Variants in NCKAP1 observed in about 807,000 individuals in gnomAD.
NCKAP1 encodes NCK associated protein 1, also known as nck-associated protein 1.
A neutral mutation model predicts 151.2 loss-of-function variants in NCKAP1; 21 were observed. The observed-to-expected ratio is 0.14, with a 90% CI of 0.10 to 0.20. The LOEUF is 0.20. Among genes scored for constraint, NCKAP1 ranks in the 10% least tolerant of loss-of-function variants. NCKAP1 has a pLI of 1.00. For missense variants in NCKAP1, 933 were observed against 1,352.1 expected (o/e 0.69, Z 4.86); for synonymous variants, 484 against 451.8 (o/e 1.07, Z -0.90).
At position 182,936,927 on chromosome 2, in the gene NCKAP1, C is replaced by A. The variant is rs572460132; in HGVS notation, c.2696-1552G>T. 2.5e-4 allele frequency among the ~76,000 whole-genome samples: 38 copies of A among 151,804 alleles called. No homozygotes were observed. The East Asian group carries it at 5.0e-3, about 20-fold the overall frequency. On this transcript the variant is annotated intron_variant, in intron 24 of 30. Coordinates refer to ENST00000361354, the MANE Select transcript of NCKAP1 (RefSeq NM_013436.5). ...GTCAGGAGTTCAAGACCAGCCTGGG[C>A]AACATGGTGAAACCCCAACTCTACT... is the stretch of plus-strand genomic sequence containing the variant.
chr2:182,933,179 G>A (rs1402075645), intron 26 of NCKAP1, among the ~76,000 whole-genome samples: 1 of 152,068 alleles, frequency 6.6e-6, no homozygotes, highest in Non-Finnish European at 1.5e-5. Context: ...TTAAAATACA[G>A]GCAGGATTTC....
At chr2:183,031,762 C>T (rs1040617960) in intron 1 of NCKAP1, among the ~76,000 whole-genome samples, 4 of 152,070 alleles carry the variant, frequency 2.6e-5, no homozygotes, top group Admixed American at 6.6e-5. Flanking sequence ...ATTCCAAAAA[C>T]GTGAGATAAC....
At chr2:183,016,863 T>C (rs890752345) in intron 2 of NCKAP1, among the ~76,000 whole-genome samples, 2 of 152,192 alleles carry the variant, frequency 1.3e-5, no homozygotes, top group African/African-American at 4.8e-5. Context: ...TGGATTAACA[T>C]GGCATTTGTC....
At chr2:182,986,671 G>A (rs1193497077) in intron 9 of NCKAP1, among the ~76,000 whole-genome samples, 1 of 152,036 alleles carries the variant, frequency 6.6e-6, no homozygotes, top group Non-Finnish European at 1.5e-5. Flanking sequence ...CAAAAGTAAT[G>A]ACTGTTTGGA....
chr2:182,942,170 A>G lies in NCKAP1; in HGVS notation c.2602-7T>C. On this transcript the variant is annotated splice_polypyrimidine_tract_variant and splice_region_variant and intron_variant, in intron 23 of 30. Coordinates refer to ENST00000361354, the MANE Select transcript of NCKAP1 (RefSeq NM_013436.5). The stretch of plus-strand genomic sequence containing the variant: ...CATTCTCCACCACAAGTTTCTAAAA[A>G]AAAAAGAAAGATCCTAGGTCAGGCA... 2.5e-6 allele frequency: 4 copies of G among 1,609,392 alleles called. No homozygotes were observed. Among genetic ancestry groups the G allele is most frequent in the South Asian group, 1.1e-5 (1 of 90,222 alleles).
chr2:182,988,032 G>A (rs1463406019), intron 9 of NCKAP1, among the ~76,000 whole-genome samples: 1 of 152,134 alleles, frequency 6.6e-6, no homozygotes, highest in East Asian at 1.9e-4. Context: ...ATACAGCTAA[G>A]ATGTATGTAT....
intron 1 of NCKAP1, among the ~76,000 whole-genome samples, chr2:183,029,126 CA>C (rs540737695): frequency 1.4e-5 from 2 of 145,110 alleles, no homozygotes; most frequent in East Asian, 4.0e-4. Flanking sequence ...TCAAAAGAAA[CA>C]AAAAAAAAAC....
At chr2:183,012,632 T>C (rs1189715438) in intron 2 of NCKAP1, among the ~76,000 whole-genome samples, 1 of 151,626 alleles carries the variant, frequency 6.6e-6, no homozygotes, top group Non-Finnish European at 1.5e-5. Context: ...TTTTTTTTTT[T>C]TTTTTTAGAC....
At chr2:182,966,339 G>A (rs1026480865) in intron 16 of NCKAP1, among the ~76,000 whole-genome samples, 2 of 151,848 alleles carry the variant, frequency 1.3e-5, no homozygotes, top group African/African-American at 2.4e-5. Context: ...AGACTGGAGT[G>A]CAGTGGCGTG....
chr2:183,033,808 C>G (rs910500194), intron 1 of NCKAP1, among the ~76,000 whole-genome samples: 1 of 152,180 alleles, frequency 6.6e-6, no homozygotes, highest in African/African-American at 2.4e-5. Context: ...ACCCTACTTA[C>G]AAACTAACAA....
intron 1 of NCKAP1, among the ~76,000 whole-genome samples, chr2:183,025,556 A>C: frequency 6.6e-6 from 1 of 152,168 alleles, no homozygotes; most frequent in South Asian, 2.1e-4. Flanking sequence ...AATAAAACAA[A>C]ATCTTAAGAA....
chr2:182,928,716 T>C, intron 28 of NCKAP1, 67 bp downstream of exon 28: 3 of 1,105,566 alleles, frequency 2.7e-6, no homozygotes, highest in Non-Finnish European at 3.9e-6. Context: ...ACTTAACTCA[T>C]ATTTTATTAT....
chr2:182,981,143 G>A, intron 13 of NCKAP1, 101 bp downstream of exon 13: 1 of 1,384,694 alleles, frequency 7.2e-7, no homozygotes, highest in Non-Finnish European at 1.0e-6. Context: ...TTTATCACTT[G>A]GCACATGATA....
chr2:182,978,757 G>T, intron 14 of NCKAP1, 77 bp downstream of exon 14: 1 of 805,824 alleles, frequency 1.2e-6, no homozygotes, highest in East Asian at 3.0e-5. Context: ...CAAATTAATT[G>T]GTAAATTATC....
intron 6 of NCKAP1, among the ~76,000 whole-genome samples, chr2:183,000,003 G>A (rs974757197): frequency 1.6e-4 from 24 of 152,250 alleles, no homozygotes; most frequent in Middle Eastern, 3.4e-3. Flanking sequence ...TCCAGAAGTG[G>A]GAAGGAGAGG....
chr2:182,951,735 T>C (rs1370893122), intron 23 of NCKAP1, among the ~76,000 whole-genome samples: 1 of 151,942 alleles, frequency 6.6e-6, no homozygotes, highest in South Asian at 2.1e-4. Context: ...TAAAACATGA[T>C]TTCTCTATTC....
At chr2:183,025,027 A>G (rs747379043) in intron 1 of NCKAP1, 1 of 1,604,196 alleles carries the variant, frequency 6.2e-7, no homozygotes, top group African/African-American at 1.3e-5. Context: ...AAGAGAGAAA[A>G]TTACGTGTAA....
intron 15 of NCKAP1, 114 bp from the exon 16 acceptor site, chr2:182,967,475 C>G (rs763640825): frequency 1.1e-6 from 1 of 911,138 alleles, no homozygotes; most frequent in Non-Finnish European, 1.7e-6. Flanking sequence ...TACTGTGACA[C>G]TGACAGTAAC....
chr2:183,017,987 T>A (rs990263454), intron 2 of NCKAP1, among the ~76,000 whole-genome samples: 2 of 152,146 alleles, frequency 1.3e-5, no homozygotes, highest in Non-Finnish European at 2.9e-5. Context: ...CGGTGGCTCA[T>A]GCCTGTAATC....
Sources: gnomAD v4.1 joint callset for allele counts (sites outside exome capture counted in the v4.1 genomes callset) on GRCh38, gnomAD v4.1.1 for gene constraint, MANE v1.5 for transcripts, NCBI Gene and HGNC (gene_info 2026-07-23, HGNC 2026-07-21) for gene names.